Variants in CRYM observed in about 807,000 individuals in gnomAD.
CRYM encodes ketimine reductase mu-crystallin.
In CRYM, 18 loss-of-function variants were observed where a neutral mutation model predicts 32.9. The ratio of observed to expected loss-of-function variants is 0.55; its 90% CI spans 0.38 to 0.81. CRYM has a LOEUF of 0.81. CRYM is among the 30% of genes least tolerant of loss of function. The pLI, the probability that CRYM is intolerant of heterozygous loss-of-function variation, is 0.00. For synonymous variants in CRYM, 153 were observed against 152.4 expected, an observed-to-expected ratio of 1.00 and a Z score of -0.03; for missense variants, 337 against 393.5, an observed-to-expected ratio of 0.86 and a Z score of 1.21.
intron 1 of CRYM, among the ~76,000 whole-genome samples, chr16:21,285,633 C>T (rs2093406053): frequency 6.6e-6 from 1 of 152,190 alleles, no homozygotes. Context: ...ATAAAATAGC[C>T]AGTGTATCTA....
At chr16:21,295,933 A>T (rs1597632108) in intron 1 of CRYM, among the ~76,000 whole-genome samples, 1 of 134,330 alleles carries the variant, frequency 7.4e-6, no homozygotes, top group Admixed American at 7.9e-5. Flanking sequence ...GACTCCGTCT[A>T]AAAAAAAAAA....
At chr16:21,284,555 C>CTT (rs1376682714) in intron 1 of CRYM, among the ~76,000 whole-genome samples, 1 of 152,036 alleles carries the variant, frequency 6.6e-6, no homozygotes, top group East Asian at 1.9e-4. Flanking sequence ...ACATTTCTTT[C>CTT]TTTCTTTCTT....
chr16:21,271,087 G>A (rs912094031), intron 3 of CRYM, among the ~76,000 whole-genome samples: 9 of 152,278 alleles, frequency 5.9e-5, no homozygotes, highest in Admixed American at 2.6e-4. Context: ...TCTCAACCTC[G>A]GTACTACTAA....
At chr16:21,287,003 T>G (rs1043813656) in intron 1 of CRYM, among the ~76,000 whole-genome samples, 5 of 150,768 alleles carry the variant, frequency 3.3e-5, no homozygotes, top group African/African-American at 1.2e-4. Context: ...GGCAGGAGAA[T>G]GGCGTGAACC....
chr16:21,298,548 A>C lies in CRYM; in HGVS notation c.-193+4430T>G, dbSNP rs1057385046. Among the ~76,000 whole-genome samples, 5 of 152,336 alleles carry C rather than the reference A, an allele frequency of 3.3e-5. No homozygotes were observed. The East Asian group carries it at 9.6e-4, about 29-fold the overall frequency. ...GAAAGAAAGGAATGAATACTGGATG[A>C]TTCCATTCATATAAAGTTCAGAAGT... On this transcript the variant is annotated intron_variant, in intron 1 of 9. Transcript: ENST00000219599.
chr16:21,299,628 G>T (rs1037496470), intron 1 of CRYM, among the ~76,000 whole-genome samples: 1 of 152,200 alleles, frequency 6.6e-6, no homozygotes, highest in African/African-American at 2.4e-5. Context: ...CTTTTAGAAG[G>T]CTCAGGTGTT....
Position 21,269,868 on chromosome 16 carries a change from T to C in CRYM, c.411A>G (p.Glu137=), listed in dbSNP as rs2093371591. The C allele has an allele frequency of 1.3e-6, 2 of 1,501,776 alleles. No individual in the cohort carries two copies. The highest frequency in any genetic ancestry group is 9.0e-7 in the Non-Finnish European group (1 of 1,109,944). 93.0% of individuals were successfully genotyped at this position (1,501,776 alleles called of 1,614,324 possible). ...ATKFLKPPSS[E]VLCILGAGVQ... The stretch of plus-strand genomic sequence containing the variant: ...CCCCAGCCCCAAGGATGCACAGCAC[T>C]TCACTGCTGGGAGGTTTCAGAAACT... The change falls in exon 4 of 8, where the codon GAA becomes GAG. Residue 137 remains glutamate, a synonymous_variant. Coordinates refer to ENST00000572914, the MANE Select transcript of CRYM (RefSeq NM_001376256.1).
At chr16:21,278,364 C>T (rs1414419522), upstream of CRYM, 1 of 1,399,596 alleles carries the variant, frequency 7.1e-7, no homozygotes, top group African/African-American at 1.4e-5. Context: ...GGTCACAGCC[C>T]AGCCTCCGGG....
At chr16:21,269,698 T>C in intron 4 of CRYM, 92 bp downstream of exon 4, 2 of 878,236 alleles carry the variant, frequency 2.3e-6, no homozygotes, top group Non-Finnish European at 3.8e-6. Context: ...AACTTAATTA[T>C]TTCAGAATAA....
intron 1 of CRYM, among the ~76,000 whole-genome samples, chr16:21,289,012 T>C (rs1269226418): frequency 6.6e-6 from 1 of 152,218 alleles, no homozygotes; most frequent in Non-Finnish European, 1.5e-5. Context: ...GCCTAATTAA[T>C]GGTCTGTCCT....
At chr16:21,278,948 C>T (rs2093393286), upstream of CRYM, 2 of 152,134 alleles carry the variant, frequency 1.3e-5, no homozygotes, top group Non-Finnish European at 2.9e-5. Context: ...TCTTTTCTTC[C>T]AGGAGTTTTT....
intron 3 of CRYM, among the ~76,000 whole-genome samples, chr16:21,270,556 T>C (rs226057): frequency 0.073 from 11,096 of 152,152 alleles, 1,350 homozygotes; most frequent in African/African-American, 0.25. Context: ...AGTACTGGGA[T>C]TACAGACGTG....
At chr16:21,302,381 AGG>A (rs1237224457) in intron 1 of CRYM, among the ~76,000 whole-genome samples, 1 of 152,220 alleles carries the variant, frequency 6.6e-6, no homozygotes, top group Non-Finnish European at 1.5e-5. Context: ...AAATGGCAGA[AGG>A]GGCTGTGGAA....
intron 1 of CRYM, among the ~76,000 whole-genome samples, chr16:21,298,474 A>G (rs554775152): frequency 2.0e-4 from 30 of 152,270 alleles, no homozygotes; most frequent in Non-Finnish European, 3.8e-4. Flanking sequence ...ATGAATTATA[A>G]TTACATGCAA....
chr16:21,297,375 A>G (rs1270338431), intron 1 of CRYM, among the ~76,000 whole-genome samples: 2 of 152,188 alleles, frequency 1.3e-5, no homozygotes, highest in African/African-American at 2.4e-5. Flanking sequence ...CCTGGGCAAC[A>G]AGAGCAAAAC....
chr16:21,269,619 T>C (rs530758543), intron 4 of CRYM, among the ~76,000 whole-genome samples, 171 bp downstream of exon 4: 3 of 152,334 alleles, frequency 2.0e-5, no homozygotes, highest in East Asian at 3.9e-4. Flanking sequence ...CTGACTCTTA[T>C]CCTCCATCCC....
intron 4 of CRYM, among the ~76,000 whole-genome samples, 189 bp from the exon 5 acceptor site, chr16:21,267,926 T>C (rs979767346): frequency 7.2e-5 from 11 of 152,244 alleles, no homozygotes; most frequent in Admixed American, 2.6e-4. Flanking sequence ...CTTAGACACC[T>C]AGCCAGGTAT....
intron 2 of CRYM, among the ~76,000 whole-genome samples, chr16:21,276,483 G>A (rs898783238): frequency 1.3e-5 from 2 of 152,148 alleles, no homozygotes; most frequent in Non-Finnish European, 2.9e-5. Flanking sequence ...AGCTTGGAGC[G>A]CACAGACCTT....
intron 3 of CRYM, among the ~76,000 whole-genome samples, chr16:21,274,952 CCT>C (rs1472273712): frequency 2.0e-5 from 3 of 152,126 alleles, no homozygotes; most frequent in Non-Finnish European, 4.4e-5. Flanking sequence ...TGTGTGTGCC[CCT>C]CTGTTTTTCT....
Sources: allele counts gnomAD v4.1 joint callset (sites outside exome capture counted in the v4.1 genomes callset), GRCh38; gene constraint gnomAD v4.1.1; transcripts MANE v1.5; gene names NCBI Gene and HGNC (gene_info 2026-07-23, HGNC 2026-07-21).